The following SCEL variants were observed in gnomAD, a reference collection of about 807,000 sequenced individuals.
SCEL encodes the protein sciellin.
In SCEL, 113 loss-of-function variants were observed where a neutral mutation model predicts 117.6. That is an observed-to-expected ratio of 0.96 (90% confidence interval 0.83 to 1.12). SCEL has a LOEUF of 1.12. Among genes scored for constraint, SCEL ranks in the 50% most tolerant of loss-of-function variants. The probability of loss-of-function intolerance (pLI) is 0.00; values close to 1 mark genes in which losing one functional copy is unlikely to be tolerated. For missense variants in SCEL, 785 were observed against 810.8 expected, an observed-to-expected ratio of 0.97 and a Z score of 0.39; for synonymous variants, 270 against 256.2, an observed-to-expected ratio of 1.05 and a Z score of -0.51.
intron 9 of SCEL, among the ~76,000 whole-genome samples, chr13:77,586,279 G>C (rs1198015306): frequency 6.6e-6 from 1 of 152,092 alleles, no homozygotes; most frequent in Non-Finnish European, 1.5e-5. Flanking sequence ...GCCATTGATA[G>C]ATCTTGCCCT....
At chr13:77,615,604 T>A (rs552406654) in intron 24 of SCEL, among the ~76,000 whole-genome samples, 2 of 152,166 alleles carry the variant, frequency 1.3e-5, no homozygotes, top group South Asian at 2.1e-4. Flanking sequence ...TAAAGCTAAA[T>A]AAATAAAAAC....
At chr13:77,550,722 A>G (rs940413340) in intron 1 of SCEL, among the ~76,000 whole-genome samples, 3 of 152,200 alleles carry the variant, frequency 2.0e-5, no homozygotes, top group African/African-American at 4.8e-5. Context: ...GCTGAGTAAT[A>G]TTCTGTTGCA....
At chr13:77,613,858 A>T in intron 23 of SCEL, 35 bp from the exon 24 acceptor site, 1 of 1,562,426 alleles carries the variant, frequency 6.4e-7, no homozygotes, top group Non-Finnish European at 8.8e-7. Flanking sequence ...AAATGCCAGT[A>T]TGAAATTTGC....
chr13:77,561,556 T>C (rs555097166), intron 4 of SCEL, among the ~76,000 whole-genome samples: 1 of 152,222 alleles, frequency 6.6e-6, no homozygotes, highest in Non-Finnish European at 1.5e-5. Flanking sequence ...CTGCAGAGGA[T>C]GTCTTTACCT....
intron 9 of SCEL, among the ~76,000 whole-genome samples, chr13:77,574,391 G>T (rs1255629388): frequency 2.6e-5 from 4 of 152,146 alleles, no homozygotes; most frequent in African/African-American, 9.7e-5. Context: ...GGAAAGAGGA[G>T]ATTATTAGGC....
chr13:77,581,312 G>C (rs1219243390), intron 9 of SCEL, among the ~76,000 whole-genome samples: 1 of 152,154 alleles, frequency 6.6e-6, no homozygotes, highest in African/African-American at 2.4e-5. Context: ...TGTGTTGTTT[G>C]AACAGAACAA....
At chr13:77,640,538 C>T (rs2154407322) in intron 30 of SCEL, 138 bp from the exon 31 acceptor site, 1 of 400,980 alleles carries the variant, frequency 2.5e-6, no homozygotes, top group Non-Finnish European at 4.4e-6. Flanking sequence ...AAACTCCAAA[C>T]TTTCCTTGTT....
chr13:77,602,154 CTT>C, intron 16 of SCEL, 30 bp downstream of exon 16: 1 of 1,575,486 alleles, frequency 6.3e-7, no homozygotes, highest in Non-Finnish European at 8.6e-7. Context: ...TGATGGAGCT[CTT>C]TTTATTCAGG....
intron 9 of SCEL, among the ~76,000 whole-genome samples, chr13:77,572,986 G>C (rs528662027): frequency 1.9e-4 from 29 of 152,284 alleles, no homozygotes; most frequent in African/African-American, 6.0e-4. Context: ...TGGAGAACTG[G>C]ATGAGGATAT....
At chr13:77,559,765 T>G in intron 3 of SCEL, 39 bp from the exon 4 acceptor site, 6 of 1,586,200 alleles carry the variant, frequency 3.8e-6, no homozygotes, top group Non-Finnish European at 3.5e-6. Context: ...AACATTGTGG[T>G]AACTTTCTAT....
intron 7 of SCEL, among the ~76,000 whole-genome samples, chr13:77,569,023 A>G (rs193080021): frequency 4.6e-4 from 70 of 152,362 alleles, no homozygotes; most frequent in African/African-American, 1.6e-3. Flanking sequence ...TTCTAATGCA[A>G]AAAACCGCAA....
chr13:77,602,690 C>A lies in SCEL; in HGVS notation c.1014C>A (p.Ala338=). The change falls in exon 17 of 33, where the codon GCC becomes GCA. Residue 338 remains alanine (A), a synonymous_variant. Coordinates refer to ENST00000349847, the MANE Select transcript of SCEL (RefSeq NM_144777.3). ...QNLESVAKVN[A]RMNKTSRRSE... ...TCGAATCTGTTGCTAAAGTGAATGCCAGGATGAATAAAACGAGCAGAAGGT... is the reference window on the plus strand; with the variant it reads ...TCGAATCTGTTGCTAAAGTGAATGCAAGGATGAATAAAACGAGCAGAAGGT... The A allele has an allele frequency of 1.2e-6, 2 of 1,613,618 alleles. No homozygotes were observed. The highest frequency in any genetic ancestry group is 1.7e-6 in the Non-Finnish European group (2 of 1,179,714).
chr13:77,562,423 A>G (rs1047015878), intron 4 of SCEL, among the ~76,000 whole-genome samples: 4 of 151,636 alleles, frequency 2.6e-5, no homozygotes, highest in Middle Eastern at 3.4e-3. Flanking sequence ...ATTTTTCTTC[A>G]CTCTTTTTCT....
At chr13:77,556,854 G>A (rs1384789786) in intron 3 of SCEL, 141 bp downstream of exon 3, 3 of 653,364 alleles carry the variant, frequency 4.6e-6, no homozygotes, top group Non-Finnish European at 5.5e-6. Context: ...GTGAGACTTA[G>A]TAAGCACAAA....
At chr13:77,565,561 G>A (rs1056930078) in intron 5 of SCEL, among the ~76,000 whole-genome samples, 3 of 152,212 alleles carry the variant, frequency 2.0e-5, no homozygotes, top group African/African-American at 7.2e-5. Context: ...AGAAAGGCAA[G>A]TCCTGTTAGC....
chr13:77,627,210 C>T (rs2089784900), intron 27 of SCEL, among the ~76,000 whole-genome samples: 1 of 152,248 alleles, frequency 6.6e-6, no homozygotes, highest in Non-Finnish European at 1.5e-5. Flanking sequence ...GGCATCATCT[C>T]AAATCTTGAC....
intron 1 of SCEL, among the ~76,000 whole-genome samples, chr13:77,549,772 C>T (rs1268459561): frequency 1.3e-5 from 2 of 152,116 alleles, no homozygotes; most frequent in Non-Finnish European, 2.9e-5. Context: ...TTTCAGGCCA[C>T]AATTATGAAT....
At chr13:77,539,465 A>G (rs1036793225) in intron 1 of SCEL, among the ~76,000 whole-genome samples, 3 of 152,080 alleles carry the variant, frequency 2.0e-5, no homozygotes, top group Admixed American at 1.3e-4. Context: ...AGTTCTTCCC[A>G]AACTCTTTTT....
intron 11 of SCEL, 25 bp from the exon 12 acceptor site, chr13:77,593,489 T>A (rs1428229896): frequency 6.3e-7 from 1 of 1,578,984 alleles, no homozygotes; most frequent in Non-Finnish European, 8.7e-7. Context: ...ATCATTGACC[T>A]GTATTTATTT....
Sources: allele counts gnomAD v4.1 joint callset (sites outside exome capture counted in the v4.1 genomes callset), GRCh38; gene constraint gnomAD v4.1.1; transcripts MANE v1.5; gene names NCBI Gene and HGNC (gene_info 2026-07-23, HGNC 2026-07-21).